The following UBE2D2 variants were observed in gnomAD, a reference collection of about 807,000 sequenced individuals.
The protein encoded by UBE2D2 is ubiquitin conjugating enzyme E2 D2.
UBE2D2 carries 2 observed loss-of-function variants against 24.2 expected under a neutral mutation model. The ratio of observed to expected loss-of-function variants is 0.08; its 90% CI spans 0.03 to 0.26. The LOEUF (loss-of-function observed/expected upper bound fraction) is 0.26. Among genes scored for constraint, UBE2D2 ranks in the 10% least tolerant of loss-of-function variants. UBE2D2 has a pLI of 1.00. For synonymous variants in UBE2D2, 58 were observed against 56.5 expected (o/e 1.03, Z -0.12); for missense variants, 44 against 177.6 (o/e 0.25, Z 4.28).
At chr5:139,544,651 T>G (rs999979533) in intron 1 of UBE2D2, among the ~76,000 whole-genome samples, 1 of 151,716 alleles carries the variant, frequency 6.6e-6, no homozygotes, top group African/African-American at 2.4e-5. Context: ...TTTATGAAGA[T>G]TAAAGAAAAC....
intron 1 of UBE2D2, among the ~76,000 whole-genome samples, chr5:139,551,225 A>G (rs3180856): frequency 1.3e-5 from 2 of 152,140 alleles, no homozygotes; most frequent in South Asian, 2.1e-4. Flanking sequence ...GGGTGCTTGT[A>G]ATTCCAGCTA....
At chr5:139,551,238 C>G (rs1752917572) in intron 1 of UBE2D2, among the ~76,000 whole-genome samples, 1 of 152,110 alleles carries the variant, frequency 6.6e-6, no homozygotes, top group Non-Finnish European at 1.5e-5. Context: ...TCCAGCTACC[C>G]AGGAGGCTAA....
chr5:139,610,572 AT>A (rs1308957781), intron 2 of UBE2D2, among the ~76,000 whole-genome samples: 15 of 148,998 alleles, frequency 1.0e-4, no homozygotes, highest in Admixed American at 1.3e-4. Context: ...TTTGCTTGAT[AT>A]GAAAAAAATC....
chr5:139,558,541 G>T (rs1753010810), upstream of UBE2D2, among the ~76,000 whole-genome samples: 1 of 152,154 alleles, frequency 6.6e-6, no homozygotes. Context: ...GCCCGCCTCG[G>T]CCTCCCAAAG....
intron 2 of UBE2D2, among the ~76,000 whole-genome samples, chr5:139,603,831 C>T (rs1399542172): frequency 6.6e-6 from 1 of 151,492 alleles, no homozygotes; most frequent in Non-Finnish European, 1.5e-5. Context: ...GAGCTGTAAT[C>T]CCATCTATTT....
intron 2 of UBE2D2, 34 bp downstream of exon 2, chr5:139,600,469 A>G: frequency 1.9e-6 from 3 of 1,605,106 alleles, no homozygotes; most frequent in Non-Finnish European, 2.6e-6. Flanking sequence ...GAGTAATAGC[A>G]TAACAGTGGT....
Position 139,614,678 on chromosome 5 carries a change from C to G in UBE2D2, c.121-19C>G. 6.2e-7 allele frequency: 1 copy of G among 1,613,702 alleles called. No homozygotes were observed. The highest frequency in any genetic ancestry group is 8.5e-7 in the Non-Finnish European group (1 of 1,179,778). On this transcript the variant is annotated intron_variant, in intron 3 of 6. Transcript: ENST00000398733. ...ATGTAATTTACTCATTTTAATCCCA[C>G]TTTTCTTGTTATCAACAGAATGACA...
chr5:139,616,324 A>T (rs1283221137), intron 5 of UBE2D2, among the ~76,000 whole-genome samples: 1 of 151,720 alleles, frequency 6.6e-6, no homozygotes, highest in Non-Finnish European at 1.5e-5. Context: ...ACAGAGCGAG[A>T]CTCCGTCTCA....
chr5:139,541,750 A>T (rs1044621992), intron 1 of UBE2D2, among the ~76,000 whole-genome samples: 25 of 151,894 alleles, frequency 1.6e-4, no homozygotes, highest in South Asian at 2.1e-4. Context: ...TACAAAAAAA[A>T]AATAATAAAA....
chr5:139,587,221 G>T (rs1008347275), intron 1 of UBE2D2, among the ~76,000 whole-genome samples: 4 of 152,178 alleles, frequency 2.6e-5, no homozygotes, highest in African/African-American at 9.6e-5. Context: ...AGCCATGCAG[G>T]AACAATGGCA....
chr5:139,607,035 ACCTCGTGATTGGTCTGCCCCGG>A (rs1201182481), intron 2 of UBE2D2, among the ~76,000 whole-genome samples: 1 of 151,962 alleles, frequency 6.6e-6, no homozygotes, highest in Non-Finnish European at 1.5e-5. Context: ...TGAACTCCTG[ACCTCGTGATTGGTCTGCCCCGG>A]CCTCCCAAAG....
At chr5:139,573,740 C>T (rs1340026099) in intron 1 of UBE2D2, among the ~76,000 whole-genome samples, 4 of 151,960 alleles carry the variant, frequency 2.6e-5, no homozygotes, top group African/African-American at 4.8e-5. Flanking sequence ...GAGGCTGAGG[C>T]GGGCGAATCA....
At position 139,588,401 on chromosome 5, in the gene UBE2D2, A is replaced by G. The variant is rs369564704; in HGVS notation, c.25-11971A>G. On this transcript the variant is annotated intron_variant, in intron 1 of 6. Transcript: ENST00000398733. ...AGCTATTCTCCTGCCTCAGCCTCCCAAGTAGCTGGGGCTACAGGAATGTGC... is the reference window on the plus strand; with the variant it reads ...AGCTATTCTCCTGCCTCAGCCTCCCGAGTAGCTGGGGCTACAGGAATGTGC... 1.8e-4 allele frequency among the ~76,000 whole-genome samples: 27 copies of G among 152,142 alleles called. No homozygotes were observed. In the South Asian group the frequency reaches 5.0e-3, roughly 28 times the overall value.
At chr5:139,593,160 T>C (rs938057892) in intron 1 of UBE2D2, among the ~76,000 whole-genome samples, 19 of 151,852 alleles carry the variant, frequency 1.3e-4, no homozygotes, top group Admixed American at 2.0e-4. Context: ...CACGCCCAGC[T>C]AACTTTTATA....
chr5:139,583,335 A>G (rs1753647323), intron 1 of UBE2D2, among the ~76,000 whole-genome samples: 2 of 152,196 alleles, frequency 1.3e-5, no homozygotes, highest in South Asian at 4.1e-4. Flanking sequence ...TCACTACCAA[A>G]AGAAGTAAGT....
At chr5:139,532,492 C>T (rs1366129513) in intron 1 of UBE2D2, among the ~76,000 whole-genome samples, 3 of 152,046 alleles carry the variant, frequency 2.0e-5, no homozygotes, top group African/African-American at 7.2e-5. Flanking sequence ...GCTGGGACTA[C>T]AGGTGCCCGA....
At chr5:139,616,156 GAA>G (rs1426394916) in intron 5 of UBE2D2, among the ~76,000 whole-genome samples, 1 of 145,882 alleles carries the variant, frequency 6.9e-6, no homozygotes, top group Non-Finnish European at 1.5e-5. Context: ...ATTTATAAAG[GAA>G]AACAAAAACA....
intron 1 of UBE2D2, among the ~76,000 whole-genome samples, chr5:139,531,857 T>C (rs1752602236): frequency 6.6e-6 from 1 of 151,866 alleles, no homozygotes; most frequent in Non-Finnish European, 1.5e-5. Flanking sequence ...TATAGTGGAA[T>C]GCACCTGTAA....
intron 1 of UBE2D2, among the ~76,000 whole-genome samples, chr5:139,563,177 C>T (rs183810614): frequency 7.2e-5 from 11 of 152,306 alleles, no homozygotes; most frequent in African/African-American, 2.6e-4. Flanking sequence ...TTTAGCTTGT[C>T]TTAAACTAAG....
Sources: gnomAD v4.1 joint callset for allele counts (sites outside exome capture counted in the v4.1 genomes callset) on GRCh38, gnomAD v4.1.1 for gene constraint, MANE v1.5 for transcripts, NCBI Gene and HGNC (gene_info 2026-07-23, HGNC 2026-07-21) for gene names.